Variants in GCN1 observed in about 807,000 individuals in gnomAD.
GCN1 encodes the protein GCN1 activator of EIF2AK4.
A neutral mutation model predicts 288.4 loss-of-function variants in GCN1; 90 were observed. The ratio of observed to expected loss-of-function variants is 0.31; its 90% CI spans 0.26 to 0.37. The LOEUF (loss-of-function observed/expected upper bound fraction) is 0.37. Ranked by LOEUF, GCN1 falls within the 10% of genes least tolerant of loss-of-function variation. GCN1 has a pLI of 1.00. For missense variants in GCN1, 2,586 were observed against 3,419.9 expected (o/e 0.76, Z 6.08); for synonymous variants, 1,386 against 1,420.2 (o/e 0.98, Z 0.54).
intron 39 of GCN1, 72 bp downstream of exon 39, chr12:120,145,190 G>A: frequency 6.5e-7 from 1 of 1,547,216 alleles, no homozygotes; most frequent in Non-Finnish European, 8.9e-7. Context: ...CAGCTTTGGG[G>A]AATTCTCAGG....
Position 120,148,280 on chromosome 12 carries a change from T to C in GCN1, c.4613A>G (p.Asn1538Ser). 1 of 1,614,030 alleles carries C rather than the reference T, an allele frequency of 6.2e-7. No individual in the cohort carries two copies. Among genetic ancestry groups the C allele is most frequent in the Non-Finnish European group, 8.5e-7 (1 of 1,179,950 alleles). The change falls in exon 37 of 58, where the codon AAC becomes AGC. Residue 1538 changes from asparagine to serine, a missense_variant. Transcript: ENST00000300648. Reference sequence around the variant, plus strand: ...CACCTCCGTAAGCTTGGGCACAATGTTGGGTAGACAGGATGACAGCTGCTT... The same window carrying C: ...CACCTCCGTAAGCTTGGGCACAATGCTGGGTAGACAGGATGACAGCTGCTT... ...APKQLSSCLP[N>S]IVPKLTEVLT...
chr12:120,170,547 G>T (rs568148308), intron 14 of GCN1, among the ~76,000 whole-genome samples: 1 of 152,182 alleles, frequency 6.6e-6, no homozygotes, highest in African/African-American at 2.4e-5. Context: ...GGTAGCTCAC[G>T]TCTGTAATCC....
At chr12:120,192,490 G>A (rs1472446623) in intron 1 of GCN1, among the ~76,000 whole-genome samples, 1 of 152,076 alleles carries the variant, frequency 6.6e-6, no homozygotes, top group East Asian at 1.9e-4. Context: ...CACTTTGGGA[G>A]GCCAAGGCAG....
intron 56 of GCN1, among the ~76,000 whole-genome samples, chr12:120,130,114 T>TA (rs1327952253): frequency 6.6e-6 from 1 of 152,182 alleles, no homozygotes; most frequent in Admixed American, 6.5e-5. Context: ...GAGAGCTGGT[T>TA]AGAGTACCAG....
intron 20 of GCN1, among the ~76,000 whole-genome samples, chr12:120,162,494 A>T (rs547692758): frequency 1.3e-5 from 2 of 152,366 alleles, no homozygotes; most frequent in Admixed American, 1.3e-4. Flanking sequence ...CTGGAACTCT[A>T]GCAGCTCTTG....
At chr12:120,136,418 C>A in intron 51 of GCN1, 84 bp downstream of exon 51, 1 of 1,018,864 alleles carries the variant, frequency 9.8e-7, no homozygotes, top group Non-Finnish European at 1.5e-6. Context: ...AAATCTGTTG[C>A]CCTGCTGCTA....
At chr12:120,164,768 G>A (rs1466078531) in intron 16 of GCN1, 47 bp from the exon 17 acceptor site, 1 of 1,232,914 alleles carries the variant, frequency 8.1e-7, no homozygotes, top group Non-Finnish European at 1.2e-6. Context: ...ATAGTTAAGT[G>A]TACACATACA....
Position 120,155,095 on chromosome 12 carries a change from A to C in GCN1, c.3631-55T>G. The C allele has an allele frequency of 6.5e-7, 1 of 1,549,882 alleles. No homozygotes were observed. The highest frequency in any genetic ancestry group is 2.2e-5 in the East Asian group (1 of 44,578). On this transcript the variant is annotated intron_variant, in intron 30 of 57. Coordinates refer to ENST00000300648, the MANE Select transcript of GCN1 (RefSeq NM_006836.2). The surrounding 1 kb of genome is among the most constrained non-coding windows in gnomAD (Gnocchi z 4.9). ...CAACGGGCAGATCAATGACCTGGGCACCAGGATTGTGAGGCAGGAAACTAG... is the reference window on the plus strand; with the variant it reads ...CAACGGGCAGATCAATGACCTGGGCCCCAGGATTGTGAGGCAGGAAACTAG...
chr12:120,177,899 G>A (rs555234854), intron 7 of GCN1, 147 bp from the exon 8 acceptor site: 61 of 671,808 alleles, frequency 9.1e-5, no homozygotes, highest in East Asian at 7.8e-4. Flanking sequence ...CACTGATCAC[G>A]CAACCCCACT....
intron 12 of GCN1, among the ~76,000 whole-genome samples, chr12:120,174,530 C>T (rs184745750): frequency 2.0e-5 from 3 of 152,288 alleles, no homozygotes; most frequent in East Asian, 3.9e-4. Context: ...CAGTGGCTCA[C>T]GCCTGTAATC....
At chr12:120,173,848 C>T (rs1878386228) in intron 13 of GCN1, 22 bp from the exon 14 acceptor site, 1 of 1,603,464 alleles carries the variant, frequency 6.2e-7, no homozygotes, top group African/African-American at 1.3e-5. Context: ...AGCAGAAGTC[C>T]AGTCAGTCCA....
chr12:120,192,988 A>G (rs955023410), intron 1 of GCN1, among the ~76,000 whole-genome samples: 1 of 152,146 alleles, frequency 6.6e-6, no homozygotes, highest in Non-Finnish European at 1.5e-5. Context: ...GTGAGTTCAG[A>G]TCGTGCCATT....
intron 26 of GCN1, 119 bp from the exon 27 acceptor site, chr12:120,157,111 C>A: frequency 1.5e-6 from 1 of 665,152 alleles, no homozygotes. Context: ...CAACCGGCCC[C>A]ACCACAGAAA....
In GCN1 at chr12:120,190,381, C is replaced by T. The variant is rs768561646; in HGVS notation, c.38G>A (p.Arg13His). ...GGCTGTTGTCACCTTCCCTGCAAAA[C>T]GCTTTAGTGTCTCGGAAACCTGTGA... ...ADTQVSETLK[R>H]FAGKVTTASV... Residue 13 changes from arginine (R) to histidine (H), a missense_variant, in exon 2 of 58, where the codon CGT becomes CAT. Transcript: ENST00000300648. The T allele has an allele frequency of 6.2e-6, 10 of 1,603,860 alleles. No homozygotes were observed. The highest frequency in any genetic ancestry group is 2.2e-5 in the East Asian group (1 of 44,820).
In GCN1 at chr12:120,183,621, C is replaced by A. The variant is rs191916809; in HGVS notation, c.374G>T (p.Arg125Leu). Residue 125 changes from arginine to leucine, a missense_variant, in exon 5 of 58, where the codon CGC becomes CTC. Physicochemically the swap from Arg to Leu is moderately radical, Grantham distance 102. Transcript: ENST00000300648. ...LALTWTCLLV[R>L]IVFPSRAKRQ... is the part of the protein sequence containing the mutation. ...CTTGGCTCTCGATGGAAAGACAATG[C>A]GCACCAGGAGGCAGGTCCAGGTCAA... The A allele has an allele frequency of 2.5e-6, 4 of 1,613,646 alleles. No homozygotes were observed. The highest frequency in any genetic ancestry group is 1.1e-5 in the South Asian group (1 of 91,070).
chr12:120,140,956 G>A lies in GCN1; in HGVS notation c.5897C>T (p.Pro1966Leu), dbSNP rs763657856. The A allele has an allele frequency of 6.2e-7, 1 of 1,613,852 alleles. No individual in the cohort carries two copies. The highest frequency in any genetic ancestry group is 1.1e-5 in the South Asian group (1 of 91,066). ...AGACCTCAGGCCTTCCTCAAGGATG[G>A]GGATGATCTCGGGGAGGATTTTCTC... ...LGEKILPEII[P>L]ILEEGLRSQK... Residue 1966 changes from proline (P) to leucine (L), a missense_variant, in exon 45 of 58, where the codon CCC (proline) becomes CTC (leucine). Physicochemically the swap from Pro to Leu is moderately conservative, Grantham distance 98. Around this residue, in one of 8 missense-constraint regions of GCN1, gnomAD observed 437 missense variants for 570.5 expected, o/e 0.77. Coordinates refer to ENST00000300648, the MANE Select transcript of GCN1 (RefSeq NM_006836.2).
In GCN1 at chr12:120,131,194, C is replaced by T. The variant is rs760409598; in HGVS notation, c.7554G>A (p.Thr2518=). The T allele has an allele frequency of 7.4e-6, 12 of 1,614,124 alleles. No homozygotes were observed. The highest frequency in any genetic ancestry group is 1.1e-5 in the South Asian group (1 of 91,092). The part of the protein sequence containing the change: ...DVQEMILSSA[T]ADRIPIAVSG... ...GGCCCGAATGCCTTACCCTGTCCGC[C>T]GTGGCACTGCTCAGGATCATTTCCT... Residue 2518 remains threonine, a synonymous_variant, in exon 55 of 58, where the codon ACG becomes ACA. Coordinates refer to ENST00000300648, the MANE Select transcript of GCN1 (RefSeq NM_006836.2).
In GCN1 at chr12:120,130,431, T is replaced by G. The variant is rs150206419; in HGVS notation, c.7671+215A>C. Among the ~76,000 whole-genome samples the G allele has an allele frequency of 6.6e-3, 1,004 of 152,272 alleles. 21 individuals are homozygous for G. Among genetic ancestry groups the G allele is most frequent in the African/African-American group, 0.023 (959 of 41,546 alleles). ...ACTTGATTCAGAGTCACGGGTCAAT[T>G]TGAGAATCTGACAAAAAGTTAGGCT... is the stretch of plus-strand genomic sequence containing the variant. On this transcript the variant is annotated intron_variant, in intron 56 of 57. Transcript: ENST00000300648.
intron 56 of GCN1, among the ~76,000 whole-genome samples, 159 bp downstream of exon 56, chr12:120,130,487 C>A (rs1313553630): frequency 6.6e-6 from 1 of 152,158 alleles, no homozygotes; most frequent in Non-Finnish European, 1.5e-5. Context: ...CACAGAAACC[C>A]CCTACATTCC....
Sources: gnomAD v4.1 joint callset for allele counts (sites outside exome capture counted in the v4.1 genomes callset) on GRCh38, gnomAD v4.1.1 for gene constraint, gnomAD v4.1.1 regional missense constraint, Gnocchi (gnomAD v3.1) non-coding constraint, MANE v1.5 for transcripts, NCBI Gene and HGNC (gene_info 2026-07-23, HGNC 2026-07-21) for gene names.